The following NTRK3 variants were observed in gnomAD, a reference collection of about 807,000 sequenced individuals.
NTRK3 encodes NT-3 growth factor receptor.
A neutral mutation model predicts 91.7 loss-of-function variants in NTRK3; 24 were observed. The ratio of observed to expected loss-of-function variants is 0.26; its 90% confidence interval spans 0.19 to 0.37. NTRK3 has a LOEUF of 0.37. Ranked by LOEUF, NTRK3 falls within the 10% of genes least tolerant of loss-of-function variation. The probability of loss-of-function intolerance (pLI) is 1.00; values close to 1 mark genes in which losing one functional copy is unlikely to be tolerated. For synonymous variants in NTRK3, 483 were observed against 404.0 expected, an observed-to-expected ratio of 1.20 and a Z score of -2.34; for missense variants, 880 against 1,068.9, an observed-to-expected ratio of 0.82 and a Z score of 2.46.
At chr15:87,886,216 G>A (rs144789849) in intron 17 of NTRK3, among the ~76,000 whole-genome samples, 1 of 152,012 alleles carries the variant, frequency 6.6e-6, no homozygotes, top group Non-Finnish European at 1.5e-5. Flanking sequence ...TGCCACTGGT[G>A]AGAAATGTTT....
At chr15:88,123,378 G>A (rs1230235212) in intron 13 of NTRK3, among the ~76,000 whole-genome samples, 4 of 152,176 alleles carry the variant, frequency 2.6e-5, no homozygotes, top group African/African-American at 9.7e-5. Flanking sequence ...AAGAGACAAG[G>A]CTTTCCCTAA....
chr15:88,166,046 C>T (rs2044906929), intron 5 of NTRK3, among the ~76,000 whole-genome samples: 1 of 152,202 alleles, frequency 6.6e-6, no homozygotes, highest in South Asian at 2.1e-4. Flanking sequence ...CCATTTGGCC[C>T]ACTTTATCTA....
At chr15:88,187,191 A>T (rs551333807) in intron 3 of NTRK3, among the ~76,000 whole-genome samples, 1 of 152,316 alleles carries the variant, frequency 6.6e-6, no homozygotes, top group South Asian at 2.1e-4. Context: ...AATCATTGAT[A>T]AAAACCCCAT....
chr15:88,106,906 C>G (rs886778934), intron 13 of NTRK3, among the ~76,000 whole-genome samples: 15 of 150,238 alleles, frequency 1.0e-4, no homozygotes, highest in African/African-American at 3.7e-4. Flanking sequence ...GCACTCCAAC[C>G]TGGGAGACAG....
chr15:87,872,731 C>T, exon 19 of NTRK3: 1 of 232,612 alleles, frequency 4.3e-6, no homozygotes, highest in Non-Finnish European at 8.5e-6. Context: ...CTTTCATTGT[C>T]TTCTATAATC....
intron 14 of NTRK3, among the ~76,000 whole-genome samples, chr15:87,993,798 T>C (rs1011909720): frequency 1.3e-5 from 2 of 152,132 alleles, no homozygotes; most frequent in African/African-American, 4.8e-5. Context: ...ATGGCCACTA[T>C]GTTCAGAGCT....
chr15:88,021,466 T>A (rs2077582319), intron 14 of NTRK3, among the ~76,000 whole-genome samples: 1 of 152,214 alleles, frequency 6.6e-6, no homozygotes, highest in Admixed American at 6.5e-5. Context: ...ATTTGAGAAG[T>A]GCTGCAGACC....
At chr15:88,123,415 G>A (rs994068) in intron 13 of NTRK3, among the ~76,000 whole-genome samples, 17 of 152,056 alleles carry the variant, frequency 1.1e-4, no homozygotes, top group African/African-American at 2.2e-4. Context: ...TTCTGGTACC[G>A]GTGTCATCAC....
At chr15:88,135,918 A>G in exon 9 of NTRK3, 1 of 1,614,228 alleles carries the variant, frequency 6.2e-7, no homozygotes, top group South Asian at 1.1e-5. Flanking sequence ...TGAGGGCAAC[A>G]CTGGCATTGC....
chr15:88,122,449 C>T (rs2052821546), intron 13 of NTRK3, among the ~76,000 whole-genome samples: 1 of 152,094 alleles, frequency 6.6e-6, no homozygotes, highest in Non-Finnish European at 1.5e-5. Flanking sequence ...GGATGCTGAA[C>T]TTAGGCTAGT....
At chr15:87,973,413 G>A (rs1247672094) in intron 14 of NTRK3, among the ~76,000 whole-genome samples, 7 of 152,188 alleles carry the variant, frequency 4.6e-5, no homozygotes, top group Admixed American at 2.6e-4. Context: ...CTTATCTCTT[G>A]CCAGCATATC....
In NTRK3 at chr15:88,237,415, T is replaced by C. The variant is rs1267383601; in HGVS notation, c.248+18491A>G. 6.6e-6 allele frequency among the ~76,000 whole-genome samples: 1 copy of C among 152,178 alleles called. No individual in the cohort carries two copies. Among genetic ancestry groups the C allele is most frequent in the Non-Finnish European group, 1.5e-5 (1 of 68,024 alleles). On this transcript the variant is annotated intron_variant, in intron 3 of 18. Coordinates refer to ENST00000394480, the Ensembl canonical transcript of NTRK3. This position sits in a 1 kb window ranked among gnomAD's most constrained non-coding sequence, Gnocchi z 4.0. The stretch of plus-strand genomic sequence containing the variant: ...TAAACCACATCCCCAGAGCTGAAGG[T>C]CCCAGCCCGTTGTCATTGTGTGGGG...
At position 88,063,304 on chromosome 15, in the gene NTRK3, C is replaced by T. The variant is rs369338410; in HGVS notation, c.1397-30259G>A. The stretch of plus-strand genomic sequence containing the variant: ...CTTGCTTTCCAGTCACCAACTCATG[C>T]AAGCATCAAGGCCAGACAGAGCTGT... On this transcript the variant is annotated intron_variant, in intron 13 of 18. Coordinates refer to ENST00000394480, the Ensembl canonical transcript of NTRK3. Among the ~76,000 whole-genome samples the T allele has an allele frequency of 3.3e-5, 5 of 152,368 alleles. No individual in the cohort carries two copies. In the South Asian group the frequency reaches 1.0e-3, roughly 32 times the overall value.
chr15:87,990,276 A>C (rs1464140711), intron 14 of NTRK3, among the ~76,000 whole-genome samples: 1 of 152,064 alleles, frequency 6.6e-6, no homozygotes. Flanking sequence ...TCTTTTCTTC[A>C]CTATCCCCAC....
At chr15:88,082,236 C>A (rs536633972) in intron 13 of NTRK3, among the ~76,000 whole-genome samples, 23 of 151,186 alleles carry the variant, frequency 1.5e-4, no homozygotes, top group African/African-American at 5.4e-4. Context: ...CGAGATCGTG[C>A]CACTGCACTC....
intron 13 of NTRK3, among the ~76,000 whole-genome samples, chr15:88,038,933 G>A (rs556155338): frequency 6.6e-6 from 1 of 152,138 alleles, no homozygotes; most frequent in African/African-American, 2.4e-5. Context: ...GGAAGCATTT[G>A]TTCTCACTGA....
rs564751357 is a variant in NTRK3, at chr15:87,984,562, C to A, written c.1586-43809G>T. Among the ~76,000 whole-genome samples, 3 of 152,352 alleles carry A rather than the reference C, an allele frequency of 2.0e-5. No homozygotes were observed. The South Asian group carries it at 6.2e-4, about 32-fold the overall frequency. ...GGCTTGCTGGCCACAGTCTATGCTG[C>A]TTTAAACTTTCAGGTTATTTCTTTT... is the stretch of plus-strand genomic sequence containing the variant. On this transcript the variant is annotated intron_variant, in intron 14 of 18. Transcript: ENST00000394480.
chr15:88,170,803 C>T (rs1330746798), intron 5 of NTRK3, among the ~76,000 whole-genome samples: 7 of 152,182 alleles, frequency 4.6e-5, no homozygotes, highest in South Asian at 2.1e-4. Context: ...ATGAACTGAA[C>T]GACTCCCCTA....
intron 13 of NTRK3, 131 bp from the exon 14 acceptor site, chr15:88,033,176 T>TTTTTTATATATATATA (rs1555473120): frequency 5.2e-6 from 1 of 192,404 alleles, no homozygotes; most frequent in African/African-American, 6.2e-5. Context: ...GGGGGGTGTG[T>TTTTTTATATATATATA]TATATATATA....
Sources: gnomAD v4.1 joint callset for allele counts (sites outside exome capture counted in the v4.1 genomes callset) on GRCh38, gnomAD v4.1.1 for gene constraint, Gnocchi (gnomAD v3.1) non-coding constraint, MANE v1.5 for transcripts, NCBI Gene and HGNC (gene_info 2026-07-23, HGNC 2026-07-21) for gene names.